The following ATP12A variants were observed in gnomAD, a reference collection of about 807,000 sequenced individuals.
ATP12A encodes the protein ATPase H+/K+ transporting non-gastric alpha2 subunit.
In ATP12A, 81 loss-of-function variants were observed where a neutral mutation model predicts 111.2. The ratio of observed to expected loss-of-function variants is 0.73; its 90% CI spans 0.61 to 0.88. The LOEUF (loss-of-function observed/expected upper bound fraction) is 0.88. ATP12A is among the 40% of genes least tolerant of loss of function. ATP12A has a pLI of 0.00. For missense variants in ATP12A, 1,196 were observed against 1,313.1 expected (o/e 0.91, Z 1.38); for synonymous variants, 498 against 499.8 (o/e 1.00, Z 0.05).
intron 2 of ATP12A, among the ~76,000 whole-genome samples, chr13:24,684,924 C>T (rs1276556622): frequency 6.6e-6 from 1 of 152,172 alleles, no homozygotes; most frequent in Non-Finnish European, 1.5e-5. Flanking sequence ...TGTGGTTTTG[C>T]CATCAGCCCC....
chr13:24,683,960 TTGAA>T (rs1210901752), intron 2 of ATP12A, among the ~76,000 whole-genome samples: 1 of 152,160 alleles, frequency 6.6e-6, no homozygotes, highest in East Asian at 1.9e-4. Context: ...ATCCCGGCCT[TTGAA>T]TGAAAGGGCC....
intron 17 of ATP12A, among the ~76,000 whole-genome samples, chr13:24,708,428 T>G (rs1442127570): frequency 3.9e-5 from 6 of 152,104 alleles, no homozygotes; most frequent in African/African-American, 1.4e-4. Flanking sequence ...ACCCAGGTAA[T>G]CCCTAATTCC....
In ATP12A at chr13:24,707,106, A is replaced by G. The variant is rs1048287466; in HGVS notation, c.2253A>G (p.Ile751Met). The G allele has an allele frequency of 1.5e-5, 24 of 1,614,102 alleles. No homozygotes were observed. Among genetic ancestry groups the G allele is most frequent in the Non-Finnish European group, 2.0e-5 (24 of 1,180,014 alleles). The change falls in exon 16 of 23, where the codon ATA (isoleucine) becomes ATG (methionine). Residue 751 changes from isoleucine (I) to methionine (M), a missense_variant. Coordinates refer to ENST00000381946, the MANE Select transcript of ATP12A (RefSeq NM_001676.7). Reference protein sequence around the residue: ...KKADIGIAMGIAGSDAAKNAA... With the variant: ...KKADIGIAMGMAGSDAAKNAA... ...CAGACATTGGGATTGCCATGGGGATAGCAGGTTCTGATGCAGCCAAAAATG... is the reference window on the plus strand; with the variant it reads ...CAGACATTGGGATTGCCATGGGGATGGCAGGTTCTGATGCAGCCAAAAATG...
intron 2 of ATP12A, 37 bp downstream of exon 2, chr13:24,681,757 G>A: frequency 6.2e-7 from 1 of 1,612,340 alleles, no homozygotes; most frequent in Non-Finnish European, 8.5e-7. Context: ...TGCCGGCTAT[G>A]GCCCTTCCCC....
chr13:24,681,093 T>G (rs1874413384), intron 1 of ATP12A, among the ~76,000 whole-genome samples: 2 of 152,058 alleles, frequency 1.3e-5, no homozygotes, highest in South Asian at 4.1e-4. Flanking sequence ...AGACTTCCGG[T>G]TAGGGCCCCC....
Position 24,690,374 on chromosome 13 carries a change from A to C in ATP12A, c.583A>C (p.Ile195Leu). 1 of 1,613,386 alleles carries C rather than the reference A, an allele frequency of 6.2e-7. No homozygotes were observed. The highest frequency in any genetic ancestry group is 1.1e-5 in the South Asian group (1 of 90,986). Residue 195 changes from isoleucine (I) to leucine (L), a missense_variant, in exon 6 of 23, where the codon ATC (isoleucine) becomes CTC (leucine). Physicochemically the swap from Ile to Leu is conservative, Grantham distance 5 (BLOSUM62 2). Transcript: ENST00000381946. ...CATCCGAGATTCCGAGAAGAAGACC[A>C]TCCCTTCAGAGCAGCTGGTGGTGGG... is the stretch of plus-strand genomic sequence containing the variant. ...LVIRDSEKKT[I>L]PSEQLVVGDI...
intron 17 of ATP12A, among the ~76,000 whole-genome samples, chr13:24,708,816 AAGAAAG>A (rs1348278799): frequency 6.6e-6 from 1 of 151,542 alleles, no homozygotes; most frequent in Non-Finnish European, 1.5e-5. Flanking sequence ...AAGAGAAAGA[AAGAAAG>A]AGAAAGAGAG....
chr13:24,705,128 T>C (rs1875569505), intron 14 of ATP12A, among the ~76,000 whole-genome samples: 1 of 152,124 alleles, frequency 6.6e-6, no homozygotes, highest in South Asian at 2.1e-4. Context: ...TTGCAAATTG[T>C]AAAGAAAAAG....
rs764499452 is a variant in ATP12A at position 24,691,042 on chromosome 13, C to T, written c.860C>T (p.Ser287Leu). The change falls in exon 8 of 23, where the codon TCA becomes TTA. Residue 287 changes from serine to leucine, a missense_variant. By Grantham distance (145) the Ser-to-Leu change is moderately radical. Transcript: ENST00000381946. Reference protein sequence around the residue: ...GDRTIIGHIASLASGVGNEKT... With the variant: ...GDRTIIGHIALLASGVGNEKT... ...CGCACCATCATTGGCCATATTGCCT[C>T]ATTGGCCTCAGGAGTTGGAAATGAG... 3.1e-5 allele frequency: 50 copies of T among 1,614,122 alleles called. No homozygotes were observed. In the Admixed American group the frequency reaches 3.8e-4, roughly 12 times the overall value.
intron 11 of ATP12A, 53 bp downstream of exon 11, chr13:24,694,631 T>C (rs1593136761): frequency 6.2e-7 from 1 of 1,609,158 alleles, no homozygotes; most frequent in African/African-American, 1.3e-5. Flanking sequence ...ATGACCTTTC[T>C]ACTTGCATGC....
Position 24,681,643 on chromosome 13 carries a change from T to A in ATP12A, c.91T>A (p.Tyr31Asn), listed in dbSNP as rs763019731. The part of the protein sequence containing the change: ...KTDKGDGKEK[Y>N]RGLKNNCLEL... ...AGACAAGGGGGATGGCAAGGAGAAG[T>A]ATAGGGGTCTGAAGAACAACTGCCT... The change falls in exon 2 of 23, where the codon TAT becomes AAT. Residue 31 changes from tyrosine to asparagine, a missense_variant. This residue lies in a region of ATP12A where 67 missense variants were observed against 64.0 expected (regional missense o/e 1.05). Transcript: ENST00000381946. 1 of 1,614,098 alleles carries A rather than the reference T, an allele frequency of 6.2e-7. No homozygotes were observed. The highest frequency in any genetic ancestry group is 1.1e-5 in the South Asian group (1 of 91,072).
chr13:24,680,758 T>C lies in ATP12A; in HGVS notation c.9+6T>C. 1 of 1,495,930 alleles carries C rather than the reference T, an allele frequency of 6.7e-7. No homozygotes were observed. The highest frequency in any genetic ancestry group is 2.2e-5 in the Admixed American group (1 of 46,126). 92.7% of individuals were successfully genotyped at this position (1,495,930 alleles called of 1,614,324 possible). On this transcript the variant is annotated splice_donor_region_variant and intron_variant, in intron 1 of 22. Transcript: ENST00000381946. ...ACCAGCCCAGCATGCACCAGGTGCG[T>C]GCAGCCCCCGCGCCGGCCGAGGATG... is the stretch of plus-strand genomic sequence containing the variant.
Position 24,712,463 on chromosome 13 carries a change from T to A in ATP12A, c.*941T>A, listed in dbSNP as rs1644867503. 1 of 152,360 alleles carries A rather than the reference T, an allele frequency of 6.6e-6. No homozygotes were observed. The highest frequency in any genetic ancestry group is 2.1e-4 in the South Asian group (1 of 4,824). The allele number at this position is 152,360 out of a possible 1,614,324, so 9.4% of individuals were successfully genotyped here. ...CCTCATTTTTAACTAAAAGATGTTT[T>A]ATAAACCCAGGTTTAATTGTGGTGT... is the stretch of plus-strand genomic sequence containing the variant. On this transcript the variant is annotated 3_prime_UTR_variant, in exon 23 of 23. Transcript: ENST00000381946.
At chr13:24,697,221 A>G (rs536374823) in intron 11 of ATP12A, among the ~76,000 whole-genome samples, 9 of 152,164 alleles carry the variant, frequency 5.9e-5, no homozygotes, top group South Asian at 2.1e-4. Flanking sequence ...AATAGTACCC[A>G]TGGCCTTAAA....
intron 19 of ATP12A, among the ~76,000 whole-genome samples, chr13:24,710,031 G>T (rs115026652): frequency 2.1e-4 from 32 of 152,342 alleles, no homozygotes; most frequent in African/African-American, 7.7e-4. Context: ...ATGACAAGAG[G>T]TCCCTTTTTT....
At position 24,692,832 on chromosome 13, in the gene ATP12A, A is replaced by C. The variant is rs772327642; in HGVS notation, c.1313A>C (p.Lys438Thr). The change falls in exon 10 of 23, where the codon AAG becomes ACG. Residue 438 changes from lysine to threonine, a missense_variant. Physicochemically the swap from Lys to Thr is moderately conservative, Grantham distance 78. Transcript: ENST00000381946. Reference sequence around the variant, plus strand: ...TCTAGGACTTGGGCCTCCTTATCCAAGATAATAACATTGTGTAACCGAGCA... The same window carrying C: ...TCTAGGACTTGGGCCTCCTTATCCACGATAATAACATTGTGTAACCGAGCA... ...QSSRTWASLSKIITLCNRAEF... is the reference protein window; with the variant it reads ...QSSRTWASLSTIITLCNRAEF... 11 of 1,614,074 alleles carry C rather than the reference A, an allele frequency of 6.8e-6. No individual in the cohort carries two copies. Among genetic ancestry groups the C allele is most frequent in the Admixed American group, 1.7e-5 (1 of 60,002 alleles).
At chr13:24,686,850 C>T (rs888749806) in intron 3 of ATP12A, among the ~76,000 whole-genome samples, 2 of 151,974 alleles carry the variant, frequency 1.3e-5, no homozygotes, top group Non-Finnish European at 2.9e-5. Context: ...CCCCTCATCT[C>T]GCTAGTCATG....
intron 5 of ATP12A, among the ~76,000 whole-genome samples, chr13:24,689,783 A>C (rs1874802881): frequency 6.6e-6 from 1 of 152,134 alleles, no homozygotes; most frequent in Admixed American, 6.5e-5. Flanking sequence ...CTTCTTCCCC[A>C]AAAACCCCTG....
chr13:24,690,200 C>G, intron 5 of ATP12A, 138 bp from the exon 6 acceptor site: 1 of 1,335,762 alleles, frequency 7.5e-7, no homozygotes, highest in Non-Finnish European at 1.0e-6. Context: ...GTGCAGGCTG[C>G]ATAACAGCAT....
Sources: gnomAD v4.1 joint callset for allele counts (sites outside exome capture counted in the v4.1 genomes callset) on GRCh38, gnomAD v4.1.1 for gene constraint, gnomAD v4.1.1 regional missense constraint, MANE v1.5 for transcripts, NCBI Gene and HGNC (gene_info 2026-07-23, HGNC 2026-07-21) for gene names.